SLC16A3: variants seen among roughly 807,000 people sequenced by gnomAD.
The protein encoded by SLC16A3 is monocarboxylate transporter 4.
In SLC16A3, 22 loss-of-function variants were observed where a neutral mutation model predicts 25.0. That is an observed-to-expected ratio of 0.88 (90% CI 0.63 to 1.26). The LOEUF is 1.26. Among genes scored for constraint, SLC16A3 ranks in the 50% most tolerant of loss-of-function variants. The pLI, the probability that SLC16A3 is intolerant of heterozygous loss-of-function variation, is 0.00. For synonymous variants in SLC16A3, 390 were observed against 309.2 expected (o/e 1.26, Z -2.74); for missense variants, 731 against 666.6 (o/e 1.10, Z -1.06).
intron 2 of SLC16A3, 106 bp from the exon 3 acceptor site, chr17:82,236,623 G>C: frequency 6.7e-7 from 1 of 1,482,408 alleles, no homozygotes; most frequent in South Asian, 1.2e-5. Flanking sequence ...CGCGGGGGGA[G>C]GGGTGGTGTG....
upstream of SLC16A3, chr17:82,229,007 G>T: frequency 6.7e-6 from 1 of 149,976 alleles, no homozygotes; most frequent in South Asian, 1.9e-4. Flanking sequence ...CCAGCGACCC[G>T]AGCACTTAAA....
intron 1 of SLC16A3, among the ~76,000 whole-genome samples, chr17:82,222,064 G>T (rs967284272): frequency 6.6e-6 from 1 of 151,942 alleles, no homozygotes; most frequent in African/African-American, 2.4e-5. Flanking sequence ...TCGTGGACAG[G>T]AGCCTCGCCC....
intron 1 of SLC16A3, chr17:82,230,448 G>C (rs2050475493): frequency 6.6e-6 from 1 of 152,352 alleles, no homozygotes; most frequent in South Asian, 2.1e-4. Flanking sequence ...CACCCAGAAA[G>C]CCATGTGGCC....
At chr17:82,228,230 G>A (rs1004104297), upstream of SLC16A3, among the ~76,000 whole-genome samples, 4 of 152,260 alleles carry the variant, frequency 2.6e-5, no homozygotes, top group African/African-American at 9.6e-5. Context: ...TGTTGCAAAT[G>A]AGAGAAAACA....
In SLC16A3 at chr17:82,237,504, C is replaced by T. The variant is rs200975243; in HGVS notation, c.734C>T (p.Pro245Leu). 63 of 1,611,356 alleles carry T rather than the reference C, an allele frequency of 3.9e-5. No homozygotes were observed. The African/African-American group carries it at 5.2e-4, about 13-fold the overall frequency. Reference protein sequence around the residue: ...ASVMVLGLFVPPVFVVSYAKD... With the variant: ...ASVMVLGLFVLPVFVVSYAKD... Reference sequence around the variant, plus strand: ...GTCATGGTGCTGGGGCTCTTCGTCCCGCCCGTGTTCGTGGTGAGCTACGCC... The same window carrying T: ...GTCATGGTGCTGGGGCTCTTCGTCCTGCCCGTGTTCGTGGTGAGCTACGCC... The change falls in exon 4 of 5, where the codon CCG becomes CTG. Residue 245 changes from proline to leucine, a missense_variant. Physicochemically the swap from Pro to Leu is moderately conservative, Grantham distance 98 (BLOSUM62 -3). Coordinates refer to ENST00000582743, the MANE Select transcript of SLC16A3 (RefSeq NM_004207.4).
At chr17:82,227,837 C>T (rs928295140), upstream of SLC16A3, among the ~76,000 whole-genome samples, 4 of 152,178 alleles carry the variant, frequency 2.6e-5, no homozygotes, top group African/African-American at 9.7e-5. Context: ...GAGGGCCAGA[C>T]CCAGCCTCTG....
At chr17:82,235,610 C>T (rs975280719) in intron 1 of SLC16A3, 8 of 296,366 alleles carry the variant, frequency 2.7e-5, no homozygotes, top group African/African-American at 1.3e-4. Context: ...TCATGGTGTG[C>T]GTGGTCCCTG....
At position 82,239,144 on chromosome 17, in the gene SLC16A3, G is replaced by A. The variant is rs1248535847; in HGVS notation, c.*168G>A. The A allele has an allele frequency of 4.7e-6, 3 of 640,030 alleles. No individual in the cohort carries two copies. Among genetic ancestry groups the A allele is most frequent in the African/African-American group, 3.7e-5 (2 of 54,202 alleles). The allele number at this position is 640,030 out of a possible 1,614,324, so 39.6% of individuals were successfully genotyped here. ...TTTTGAGGGGGAAGGTGGCGGGGTG[G>A]GAACCGTGTCATTCCAGAGTGGATC... On this transcript the variant is annotated 3_prime_UTR_variant, in exon 5 of 5. Coordinates refer to ENST00000582743, the MANE Select transcript of SLC16A3 (RefSeq NM_004207.4).
rs112638041 is a variant in SLC16A3, at chr17:82,238,940, C to T, written c.1362C>T (p.Asn454=). 2.3e-4 allele frequency: 355 copies of T among 1,564,040 alleles called. 1 individual carries two copies. In the African/African-American group the frequency reaches 3.4e-3, roughly 15 times the overall value. The change falls in exon 5 of 5, where the codon AAC becomes AAT. Residue 454 remains asparagine, a synonymous_variant. Transcript: ENST00000582743. ...EHFLKAEPEK[N]GEVVHTPETS... is the part of the protein sequence containing the mutation. The stretch of plus-strand genomic sequence containing the variant: ...TCCTGAAGGCTGAGCCTGAGAAAAA[C>T]GGGGAGGTGGTTCACACCCCGGAAA...
chr17:82,225,792 T>C (rs1169367043), upstream of SLC16A3, among the ~76,000 whole-genome samples: 1 of 152,114 alleles, frequency 6.6e-6, no homozygotes, highest in Non-Finnish European at 1.5e-5. Flanking sequence ...ATGTGGGCTG[T>C]GTGGCTCCCC....
intron 4 of SLC16A3, 118 bp from the exon 5 acceptor site, chr17:82,238,584 T>C: frequency 9.5e-7 from 1 of 1,053,144 alleles, no homozygotes; most frequent in Non-Finnish European, 1.3e-6. Flanking sequence ...CCCCACAAGC[T>C]CAGAGGCAGA....
At chr17:82,222,608 A>C (rs1475855255) in intron 1 of SLC16A3, among the ~76,000 whole-genome samples, 3 of 152,158 alleles carry the variant, frequency 2.0e-5, no homozygotes, top group African/African-American at 7.2e-5. Flanking sequence ...GTTCGAGACC[A>C]GCGTGACCAA....
Position 82,231,645 on chromosome 17 carries a change from A to C in SLC16A3, c.-27+2539A>C, listed in dbSNP as rs1305730668. ...CAAAGCTCTGAGACCCCGCAGTGCC[A>C]GCTCAGGATTGAAGCCTGCGGCGGC... On this transcript the variant is annotated intron_variant, in intron 1 of 4. Coordinates refer to ENST00000582743, the MANE Select transcript of SLC16A3 (RefSeq NM_004207.4). 2.0e-5 allele frequency: 3 copies of C among 152,258 alleles called. No homozygotes were observed. The South Asian group carries it at 6.2e-4, about 31-fold the overall frequency. 9.4% of individuals were successfully genotyped at this position (152,258 alleles called of 1,614,324 possible). A position where few individuals can be genotyped will look rare whatever the true frequency, so the allele number is the denominator to read the frequency against.
upstream of SLC16A3, among the ~76,000 whole-genome samples, chr17:82,225,604 C>G (rs114514845): frequency 5.6e-3 from 860 of 152,250 alleles, 10 homozygotes; most frequent in African/African-American, 0.02. Context: ...GGGGCTGTGG[C>G]TCGGCCGGAA....
rs768885698 is a variant in SLC16A3, at chr17:82,237,447, G to A, written c.677G>A (p.Arg226His). 5.6e-6 allele frequency: 9 copies of A among 1,598,680 alleles called. No individual in the cohort carries two copies. The South Asian group carries it at 6.7e-5, about 12-fold the overall frequency. The change falls in exon 4 of 5, where the codon CGC (arginine) becomes CAC (histidine). Residue 226 changes from arginine to histidine, a missense_variant. Coordinates refer to ENST00000582743, the MANE Select transcript of SLC16A3 (RefSeq NM_004207.4). ...CTAGACCTGAGCGTCTTCCGGGACC[G>A]CGGCTTTGTGCTTTACGCCGTGGCC... Reference protein sequence around the residue: ...RLLDLSVFRDRGFVLYAVAAS... With the variant: ...RLLDLSVFRDHGFVLYAVAAS...
At chr17:82,226,102 C>G (rs1737425931), upstream of SLC16A3, among the ~76,000 whole-genome samples, 1 of 151,952 alleles carries the variant, frequency 6.6e-6, no homozygotes, top group Non-Finnish European at 1.5e-5. Context: ...GACCTGGGGG[C>G]CAGGCCCCTA....
chr17:82,227,564 GAAGATGGGAGCACC>G (rs2050431368), upstream of SLC16A3, among the ~76,000 whole-genome samples: 2 of 131,452 alleles, frequency 1.5e-5, no homozygotes, highest in Admixed American at 7.2e-5. Flanking sequence ...CCTGGTGCAG[GAAGATGGGAGCACC>G]ACCTGCCCTG....
chr17:82,237,961 G>GGGGGA (rs2050655319), intron 4 of SLC16A3, 68 bp downstream of exon 4: 1 of 1,536,788 alleles, frequency 6.5e-7, no homozygotes, highest in South Asian at 1.2e-5. Flanking sequence ...TTTGCGAGGG[G>GGGGGA]GGGGACGCGC....
At position 82,237,248 on chromosome 17, in the gene SLC16A3, C is replaced by T. The variant is rs2050626369; in HGVS notation, c.478C>T (p.Leu160=). 1.3e-6 allele frequency: 2 copies of T among 1,561,852 alleles called. No individual in the cohort carries two copies. The highest frequency in any genetic ancestry group is 1.4e-5 in the African/African-American group (1 of 73,564). The change falls in exon 4 of 5, where the codon CTG becomes TTG. Residue 160 remains leucine, a synonymous_variant. Coordinates refer to ENST00000582743, the MANE Select transcript of SLC16A3 (RefSeq NM_004207.4). ...GLAAAGSPVF[L]CALSPLGQLL... is the part of the protein sequence containing the mutation. Reference sequence around the variant, plus strand: ...GGCGGCAGCAGGTAGCCCTGTCTTCCTGTGTGCCCTGAGCCCGCTGGGGCA... The same window carrying T: ...GGCGGCAGCAGGTAGCCCTGTCTTCTTGTGTGCCCTGAGCCCGCTGGGGCA...
Sources: gnomAD v4.1 joint callset for allele counts (sites outside exome capture counted in the v4.1 genomes callset) on GRCh38, gnomAD v4.1.1 for gene constraint, MANE v1.5 for transcripts, NCBI Gene and HGNC (gene_info 2026-07-23, HGNC 2026-07-21) for gene names.